LHFPL6: variants seen among roughly 807,000 people sequenced by gnomAD.
The protein encoded by LHFPL6 is LHFPL tetraspan subfamily member 6.
A neutral mutation model predicts 20.6 loss-of-function variants in LHFPL6; 9 were observed. The ratio of observed to expected loss-of-function variants is 0.44; its 90% CI spans 0.26 to 0.76. The LOEUF (loss-of-function observed/expected upper bound fraction) is 0.76. Ranked by LOEUF, LHFPL6 falls within the 30% of genes least tolerant of loss-of-function variation. LHFPL6 has a pLI of 0.20. For missense variants in LHFPL6, 218 were observed against 253.5 expected, an observed-to-expected ratio of 0.86 and a Z score of 0.95; for synonymous variants, 105 against 98.7, an observed-to-expected ratio of 1.06 and a Z score of -0.38.
At chr13:39,564,058 A>C (rs532064780) in intron 2 of LHFPL6, among the ~76,000 whole-genome samples, 63 of 152,230 alleles carry the variant, frequency 4.1e-4, no homozygotes, top group African/African-American at 1.5e-3. Flanking sequence ...ATTGCACTGG[A>C]AGGCTTCCCA....
intron 2 of LHFPL6, among the ~76,000 whole-genome samples, chr13:39,390,057 A>G (rs528367355): frequency 6.6e-6 from 1 of 152,278 alleles, no homozygotes; most frequent in South Asian, 2.1e-4. Flanking sequence ...TTTTTTTTAA[A>G]AAGTTTGGAT....
At chr13:39,522,925 A>G (rs942495553) in intron 2 of LHFPL6, among the ~76,000 whole-genome samples, 4 of 152,230 alleles carry the variant, frequency 2.6e-5, no homozygotes, top group African/African-American at 9.6e-5. Flanking sequence ...TGGTAAATCA[A>G]CCTTAAAGAA....
chr13:39,537,414 G>T (rs1870654851), intron 2 of LHFPL6, among the ~76,000 whole-genome samples: 2 of 152,248 alleles, frequency 1.3e-5, no homozygotes, highest in Non-Finnish European at 1.5e-5. Context: ...CCCAGCATGT[G>T]TCTGCCTCTG....
intron 2 of LHFPL6, among the ~76,000 whole-genome samples, chr13:39,555,801 T>C (rs1189216429): frequency 6.6e-6 from 1 of 152,232 alleles, no homozygotes; most frequent in Non-Finnish European, 1.5e-5. Context: ...ATTCCATCCA[T>C]ACATGATATG....
intron 2 of LHFPL6, among the ~76,000 whole-genome samples, chr13:39,582,948 A>C (rs1184497561): frequency 6.6e-6 from 1 of 152,204 alleles, no homozygotes; most frequent in Non-Finnish European, 1.5e-5. Flanking sequence ...ACAGCTTTTC[A>C]AGGAGGCCAT....
intron 2 of LHFPL6, among the ~76,000 whole-genome samples, chr13:39,493,481 A>G (rs143376562): frequency 2.0e-5 from 3 of 152,306 alleles, no homozygotes; most frequent in African/African-American, 7.2e-5. Flanking sequence ...AAAGTTGTTT[A>G]TGAAAAAATT....
intron 2 of LHFPL6, among the ~76,000 whole-genome samples, chr13:39,480,988 T>G (rs1217394704): frequency 6.6e-6 from 1 of 152,194 alleles, no homozygotes; most frequent in African/African-American, 2.4e-5. Context: ...CATGCAAACT[T>G]AATGTGTTAT....
chr13:39,565,133 G>A (rs1871668083), intron 2 of LHFPL6, among the ~76,000 whole-genome samples: 1 of 151,984 alleles, frequency 6.6e-6, no homozygotes, highest in Non-Finnish European at 1.5e-5. Flanking sequence ...AAAACAAACT[G>A]TCCTGAAATA....
intron 2 of LHFPL6, among the ~76,000 whole-genome samples, chr13:39,430,201 G>T (rs774987200): frequency 1.1e-4 from 16 of 152,318 alleles, no homozygotes; most frequent in Non-Finnish European, 2.4e-4. Flanking sequence ...TGCTGAGAAT[G>T]TTAATGGTTG....
chr13:39,541,933 C>CA (rs757185166), intron 2 of LHFPL6, among the ~76,000 whole-genome samples: 34 of 150,772 alleles, frequency 2.3e-4, no homozygotes, highest in Non-Finnish European at 3.5e-4. Flanking sequence ...ACTAAAAATA[C>CA]AAAAAAAATT....
chr13:39,460,602 G>A (rs948366482), intron 2 of LHFPL6, among the ~76,000 whole-genome samples: 1 of 152,174 alleles, frequency 6.6e-6, no homozygotes, highest in African/African-American at 2.4e-5. Context: ...TTAATAAACA[G>A]TATTTGATGA....
intron 3 of LHFPL6, among the ~76,000 whole-genome samples, chr13:39,355,875 C>T (rs938658124): frequency 3.3e-5 from 5 of 152,036 alleles, no homozygotes; most frequent in Non-Finnish European, 7.4e-5. Context: ...TAGAGCACCT[C>T]GATTAATAGA....
At chr13:39,425,073 C>T (rs1871604347) in intron 2 of LHFPL6, among the ~76,000 whole-genome samples, 1 of 152,116 alleles carries the variant, frequency 6.6e-6, no homozygotes, top group African/African-American at 2.4e-5. Flanking sequence ...CCCCTGCCAG[C>T]ACTTCTCCCT....
intron 2 of LHFPL6, among the ~76,000 whole-genome samples, chr13:39,582,896 T>A (rs1403352393): frequency 6.6e-6 from 1 of 152,174 alleles, no homozygotes; most frequent in African/African-American, 2.4e-5. Flanking sequence ...AGAAATTGGA[T>A]CAAAAGCTGC....
intron 2 of LHFPL6, among the ~76,000 whole-genome samples, chr13:39,531,794 A>T (rs1411938913): frequency 6.6e-6 from 1 of 152,094 alleles, no homozygotes; most frequent in African/African-American, 2.4e-5. Context: ...CATATTACAG[A>T]ACATAATTGC....
intron 2 of LHFPL6, among the ~76,000 whole-genome samples, chr13:39,490,658 T>C (rs1237199481): frequency 6.6e-6 from 1 of 152,238 alleles, no homozygotes; most frequent in African/African-American, 2.4e-5. Flanking sequence ...CACTATGACA[T>C]GTGAACTGGT....
At chr13:39,382,653 G>T (rs528410853) in intron 2 of LHFPL6, among the ~76,000 whole-genome samples, 1 of 152,102 alleles carries the variant, frequency 6.6e-6, no homozygotes, top group African/African-American at 2.4e-5. Flanking sequence ...CTCCCAAACT[G>T]CTGGGATTAC....
intron 1 of LHFPL6, among the ~76,000 whole-genome samples, chr13:39,602,635 T>C (rs904218310): frequency 2.0e-5 from 3 of 152,036 alleles, no homozygotes; most frequent in Non-Finnish European, 4.4e-5. Flanking sequence ...GATCCCTCCA[T>C]TCTAAAAGGG....
At chr13:39,389,902 T>A (rs1248065399) in intron 2 of LHFPL6, among the ~76,000 whole-genome samples, 1 of 152,176 alleles carries the variant, frequency 6.6e-6, no homozygotes, top group African/African-American at 2.4e-5. Context: ...CTGTGTAAGT[T>A]CTATTGCAGA....
Sources: gnomAD v4.1 joint callset for allele counts (sites outside exome capture counted in the v4.1 genomes callset) on GRCh38, gnomAD v4.1.1 for gene constraint, MANE v1.5 for transcripts, NCBI Gene and HGNC (gene_info 2026-07-23, HGNC 2026-07-21) for gene names.